EXT2: variants seen among roughly 807,000 people sequenced by gnomAD.
EXT2 encodes exostosin glycosyltransferase 2.
Under a neutral mutation model 81.6 loss-of-function variants are expected in EXT2, and 53 were observed. That is an observed-to-expected ratio of 0.65 (90% confidence interval 0.52 to 0.82). The LOEUF (loss-of-function observed/expected upper bound fraction) is 0.82, where lower values mean the gene tolerates loss of function less well. EXT2 is among the 40% of genes least tolerant of loss of function. The probability of loss-of-function intolerance (pLI) is 0.00; values close to 1 mark genes in which losing one functional copy is unlikely to be tolerated. For synonymous variants in EXT2, 320 were observed against 340.0 expected (o/e 0.94, Z 0.65); for missense variants, 774 against 910.2 (o/e 0.85, Z 1.93).
chr11:44,193,325 C>T (rs143418345), intron 8 of EXT2, among the ~76,000 whole-genome samples: 19 of 152,274 alleles, frequency 1.2e-4, no homozygotes, highest in African/African-American at 4.6e-4. Flanking sequence ...ACACATGGAA[C>T]GTAAAGCCTG....
Position 44,210,379 on chromosome 11 carries a change from T to G in EXT2, c.1662+3420T>G, listed in dbSNP as rs562837954. On this transcript the variant is annotated intron_variant, in intron 10 of 13. Coordinates refer to ENST00000533608, the MANE Select transcript of EXT2 (RefSeq NM_207122.2). ...AGTTTTCAAAGTAATTATGCTAAGT[T>G]AATGAAGCAGGATGAAAAAGAGAAC... Among the ~76,000 whole-genome samples the G allele has an allele frequency of 3.9e-5, 6 of 152,300 alleles. No homozygotes were observed. The East Asian group carries it at 1.2e-3, about 29-fold the overall frequency.
At chr11:44,128,420 A>G (rs758222568) in intron 6 of EXT2, among the ~76,000 whole-genome samples, 1 of 152,246 alleles carries the variant, frequency 6.6e-6, no homozygotes, top group Non-Finnish European at 1.5e-5. Context: ...GAAAGCATCC[A>G]TTAAGTACCT....
chr11:44,239,794 G>A (rs1956015235), intron 13 of EXT2, among the ~76,000 whole-genome samples: 1 of 146,718 alleles, frequency 6.8e-6, no homozygotes, highest in Non-Finnish European at 1.5e-5. Context: ...ATAGATATGT[G>A]GAACTAGAAT....
At chr11:44,132,756 C>T (rs549864708) in intron 7 of EXT2, among the ~76,000 whole-genome samples, 103 of 152,242 alleles carry the variant, frequency 6.8e-4, no homozygotes, top group African/African-American at 2.3e-3. Context: ...TTCCCGGCCC[C>T]CTTTCTAACT....
intron 1 of EXT2, among the ~76,000 whole-genome samples, chr11:44,100,206 C>A (rs1211797541): frequency 6.6e-6 from 1 of 152,174 alleles, no homozygotes; most frequent in Non-Finnish European, 1.5e-5. Context: ...TTTCTGGATT[C>A]ACCTTTTGCA....
At chr11:44,207,483 T>C (rs1231447332) in intron 10 of EXT2, among the ~76,000 whole-genome samples, 5 of 152,118 alleles carry the variant, frequency 3.3e-5, no homozygotes, top group African/African-American at 1.2e-4. Context: ...AAGGGTTAAG[T>C]ATGGAGACCA....
intron 1 of EXT2, among the ~76,000 whole-genome samples, chr11:44,102,407 G>A (rs1445975797): frequency 1.3e-5 from 2 of 151,890 alleles, no homozygotes; most frequent in African/African-American, 4.8e-5. Flanking sequence ...GCAGTAACCA[G>A]CCTAAGAACA....
rs1956138698 is a variant in EXT2 at position 44,251,619 on chromosome 11, T to C, written c.*7332T>C. On this transcript the variant is annotated 3_prime_UTR_variant, in exon 14 of 14. Transcript: ENST00000533608. The stretch of plus-strand genomic sequence containing the variant: ...TCTTTTCATGCTCACAATCTGAACC[T>C]GAAGGCTATTACTGAAGAGAATTGC... Among the ~76,000 whole-genome samples the C allele has an allele frequency of 6.6e-6, 1 of 152,242 alleles. No homozygotes were observed. Among genetic ancestry groups the C allele is most frequent in the East Asian group, 1.9e-4 (1 of 5,200 alleles).
chr11:44,154,001 A>T (rs1199993883), intron 7 of EXT2, among the ~76,000 whole-genome samples: 1 of 151,738 alleles, frequency 6.6e-6, no homozygotes, highest in Non-Finnish European at 1.5e-5. Context: ...TTTAATTAAA[A>T]AATTTTATGG....
At chr11:44,199,773 GC>G (rs1162887632) in intron 9 of EXT2, among the ~76,000 whole-genome samples, 4 of 152,136 alleles carry the variant, frequency 2.6e-5, no homozygotes, top group Admixed American at 6.5e-5. Context: ...ACAACTAAAG[GC>G]AGTAGCAGGA....
intron 8 of EXT2, among the ~76,000 whole-genome samples, chr11:44,192,095 C>T (rs1168673816): frequency 6.6e-6 from 1 of 152,254 alleles, no homozygotes; most frequent in Non-Finnish European, 1.5e-5. Context: ...GAGTTCCTCT[C>T]ATTTCTGCTG....
intron 10 of EXT2, among the ~76,000 whole-genome samples, chr11:44,212,252 T>G (rs1955657171): frequency 6.6e-6 from 1 of 151,394 alleles, no homozygotes; most frequent in Admixed American, 6.6e-5. Flanking sequence ...ACCATTGCAC[T>G]ACAGCCCGGG....
At chr11:44,129,481 G>A (rs1225617553) in intron 6 of EXT2, among the ~76,000 whole-genome samples, 2 of 152,316 alleles carry the variant, frequency 1.3e-5, no homozygotes, top group Middle Eastern at 3.4e-3. Context: ...CTTCAGGGCT[G>A]TTTGCTTGTT....
At chr11:44,166,796 G>A (rs947537359) in intron 7 of EXT2, among the ~76,000 whole-genome samples, 4 of 152,192 alleles carry the variant, frequency 2.6e-5, no homozygotes, top group African/African-American at 9.7e-5. Context: ...AATGAAGCTG[G>A]AGAGATCATA....
rs746137895 is a variant in EXT2, at chr11:44,251,410, G to A, written c.*7123G>A. ...TTATATGCTGTGTGGAAGTCTGGGG[G>A]TTAGGAAATACCTGGAGGGAGAACT... On this transcript the variant is annotated 3_prime_UTR_variant, in exon 14 of 14. Coordinates refer to ENST00000533608, the MANE Select transcript of EXT2 (RefSeq NM_207122.2). 1.3e-5 allele frequency among the ~76,000 whole-genome samples: 2 copies of A among 152,172 alleles called. No individual in the cohort carries two copies. Among genetic ancestry groups the A allele is most frequent in the African/African-American group, 2.4e-5 (1 of 41,448 alleles).
chr11:44,243,163 A>G (rs1956056127), intron 13 of EXT2, among the ~76,000 whole-genome samples: 1 of 152,180 alleles, frequency 6.6e-6, no homozygotes, highest in Non-Finnish European at 1.5e-5. Flanking sequence ...CGACTGAGGC[A>G]AGAGTGTTGA....
At position 44,133,885 on chromosome 11, in the gene EXT2, C is replaced by T. The variant is rs10838239; in HGVS notation, c.1173+3747C>T. 0.019 allele frequency among the ~76,000 whole-genome samples: 2,944 copies of T among 152,152 alleles called. 240 individuals carry two copies. In the East Asian group the frequency reaches 0.28, roughly 15 times the overall value. ...AAAGTGGTGAAAGTCCTTGTTGTGA[C>T]GGGAATTTGTGTGTACCAAGGGAGA... is the stretch of plus-strand genomic sequence containing the variant. On this transcript the variant is annotated intron_variant, in intron 7 of 13. Coordinates refer to ENST00000533608, the MANE Select transcript of EXT2 (RefSeq NM_207122.2).
intron 3 of EXT2, 138 bp downstream of exon 3, chr11:44,109,421 T>C: frequency 1.2e-6 from 1 of 857,348 alleles, no homozygotes; most frequent in Non-Finnish European, 1.9e-6. Flanking sequence ...AGTATTTTCC[T>C]CCTGAAGATT....
Position 44,234,117 on chromosome 11 carries a change from T to C in EXT2, c.1809T>C (p.Tyr603=). The change falls in exon 12 of 14, where the codon TAT becomes TAC. Residue 603 remains tyrosine, a splice_region_variant and synonymous_variant. Coordinates refer to ENST00000533608, the MANE Select transcript of EXT2 (RefSeq NM_207122.2). The part of the protein sequence containing the change: ...VLTGAAFYHK[Y]FNYLYTYKMP... ...CTTCTTTCTGTCTCACTTGACAGTA[T>C]TTTAATTACCTGTATACCTACAAAA... The C allele has an allele frequency of 1.9e-6, 3 of 1,614,130 alleles. No individual in the cohort carries two copies. Among genetic ancestry groups the C allele is most frequent in the Middle Eastern group, 3.3e-4 (2 of 6,060 alleles).
Sources: allele counts gnomAD v4.1 joint callset (sites outside exome capture counted in the v4.1 genomes callset), GRCh38; gene constraint gnomAD v4.1.1; transcripts MANE v1.5; gene names NCBI Gene and HGNC (gene_info 2026-07-23, HGNC 2026-07-21).